RYR2: variants seen among roughly 807,000 people sequenced by gnomAD.
RYR2 encodes the protein cardiac muscle ryanodine receptor-calcium release channel.
In RYR2, 227 loss-of-function variants were observed where a neutral mutation model predicts 601.1. The ratio of observed to expected loss-of-function variants is 0.38; its 90% CI spans 0.34 to 0.42. The LOEUF is 0.42. Among genes scored for constraint, RYR2 ranks in the 10% least tolerant of loss-of-function variants. RYR2 has a pLI of 1.00. For synonymous variants in RYR2, 2,223 were observed against 2,175.1 expected (o/e 1.02, Z -0.61); for missense variants, 4,646 against 6,156.5 (o/e 0.75, Z 8.21).
At chr1:237,331,864 A>T (rs558710676) in intron 3 of RYR2, among the ~76,000 whole-genome samples, 2 of 152,004 alleles carry the variant, frequency 1.3e-5, no homozygotes, top group African/African-American at 4.8e-5. Flanking sequence ...TTCAAAGCCT[A>T]TTTGGTTATT....
Position 237,732,092 on chromosome 1 carries a change from T to C in RYR2, c.10982T>C (p.Val3661Ala), listed in dbSNP as rs1163500187. The change falls in exon 78 of 105, where the codon GTT (valine) becomes GCT (alanine). Residue 3661 changes from valine (V) to alanine (A), a missense_variant. This residue lies in a region of RYR2 where 1,497 missense variants were observed against 1,842.6 expected (regional missense o/e 0.81). Transcript: ENST00000366574. The stretch of plus-strand genomic sequence containing the variant: ...GAAGAAGATGAAGGCACTAAGAGAG[T>C]TGATCCTCTACATCAGCTGATCCTT... ...PPEEDEGTKR[V>A]DPLHQLILLF... is the part of the protein sequence containing the mutation. The C allele has an allele frequency of 3.1e-6, 5 of 1,611,674 alleles. No homozygotes were observed. Among genetic ancestry groups the C allele is most frequent in the Non-Finnish European group, 4.2e-6 (5 of 1,178,560 alleles).
rs765283048 is a variant in RYR2, at chr1:237,614,501, C to A, written c.5373C>A (p.Thr1791=). 1.2e-4 allele frequency: 196 copies of A among 1,613,900 alleles called. No homozygotes were observed. Among genetic ancestry groups the A allele is most frequent in the Non-Finnish European group, 1.5e-4 (180 of 1,179,906 alleles). Residue 1791 remains threonine (T), a synonymous_variant, in exon 37 of 105, where the codon ACC becomes ACA. Transcript: ENST00000366574. This position sits in a 1 kb window ranked among gnomAD's most constrained non-coding sequence, Gnocchi z 4.3. The part of the protein sequence containing the change: ...EFPLDILKSK[T]IQMLTEAVKE... ...CACTGGACATCCTCAAGTCCAAAAC[C>A]ATACAGATGCTGACAGAAGCTGTTA...
chr1:237,220,307 C>A (rs924242348), intron 1 of RYR2, among the ~76,000 whole-genome samples: 1 of 152,214 alleles, frequency 6.6e-6, no homozygotes, highest in Non-Finnish European at 1.5e-5. Context: ...TCTCCTCCGG[C>A]CTTTGGACAT....
chr1:237,766,152 T>A (rs1693831489), intron 84 of RYR2, among the ~76,000 whole-genome samples: 2 of 152,114 alleles, frequency 1.3e-5, no homozygotes, highest in African/African-American at 2.4e-5. Context: ...GGAAACATAG[T>A]ACCTGGGAGG....
intron 1 of RYR2, among the ~76,000 whole-genome samples, chr1:237,219,509 A>G (rs1683567075): frequency 6.6e-6 from 1 of 152,168 alleles, no homozygotes; most frequent in South Asian, 2.1e-4. Context: ...CTTATTAACC[A>G]GAGTTTGGTC....
At chr1:237,613,834 A>G (rs1184190634) in intron 36 of RYR2, among the ~76,000 whole-genome samples, 1 of 152,180 alleles carries the variant, frequency 6.6e-6, no homozygotes, top group African/African-American at 2.4e-5. Flanking sequence ...GGTAAGTATA[A>G]TGCAAACATT....
intron 35 of RYR2, among the ~76,000 whole-genome samples, chr1:237,607,941 G>A (rs1440154497): frequency 6.6e-6 from 1 of 152,128 alleles, no homozygotes; most frequent in East Asian, 1.9e-4. Flanking sequence ...CTTGAGCAGT[G>A]CTTTATACAT....
intron 40 of RYR2, among the ~76,000 whole-genome samples, chr1:237,626,631 A>C (rs1173528486): frequency 2.6e-5 from 3 of 115,004 alleles, no homozygotes; most frequent in African/African-American, 1.1e-4. Context: ...TCGCTCCATC[A>C]CCCAGGCTGG....
At chr1:237,459,320 C>T (rs1429136758) in intron 16 of RYR2, among the ~76,000 whole-genome samples, 2 of 152,112 alleles carry the variant, frequency 1.3e-5, no homozygotes, top group Non-Finnish European at 2.9e-5. Context: ...TGCATTGGCT[C>T]ATGTGTGTAG....
rs765521468 is a variant in RYR2 at position 237,760,190 on chromosome 1, TA to T, written c.11402+353del. On this transcript the variant is annotated intron_variant, in intron 83 of 104. Transcript: ENST00000366574. ...CAAGACTCCATCTCTACAAAAAGAT[TA>T]AAAAAAAAAAAAAAGCTAGGCATGG... 7.7e-3 allele frequency among the ~76,000 whole-genome samples: 956 copies of T among 124,492 alleles called. 7 individuals carry two copies. The highest frequency in any genetic ancestry group is 0.046 in the East Asian group (202 of 4,398). The allele number at this position is 124,492 out of a possible 152,430, so 81.7% of individuals were successfully genotyped here. A position where few individuals can be genotyped will look rare whatever the true frequency, so the allele number is the denominator to read the frequency against.
Position 237,608,867 on chromosome 1 carries a change from T to C in RYR2, c.4684-1895T>C, listed in dbSNP as rs543751356. 5.3e-5 allele frequency among the ~76,000 whole-genome samples: 8 copies of C among 150,206 alleles called. No homozygotes were observed. The South Asian group carries it at 1.3e-3, about 24-fold the overall frequency. On this transcript the variant is annotated intron_variant, in intron 35 of 104. Transcript: ENST00000366574. ...TAGTTTCTCAGAAGCCTGACTGATA[T>C]ATTCAGTCATCTATTGACTATTGAC...
chr1:237,799,678 G>C (rs1010455735), intron 97 of RYR2, among the ~76,000 whole-genome samples: 4 of 152,130 alleles, frequency 2.6e-5, no homozygotes, highest in African/African-American at 9.7e-5. Context: ...AGGAAGGTCA[G>C]GTTTTAAAAG....
chr1:237,284,048 T>C (rs555051723), intron 2 of RYR2, among the ~76,000 whole-genome samples: 1 of 152,314 alleles, frequency 6.6e-6, no homozygotes, highest in African/African-American at 2.4e-5. Flanking sequence ...GGACATACGA[T>C]GTTTGGTTTT....
At chr1:237,305,325 A>G (rs1693764231) in intron 2 of RYR2, among the ~76,000 whole-genome samples, 1 of 152,214 alleles carries the variant, frequency 6.6e-6, no homozygotes, top group Non-Finnish European at 1.5e-5. Flanking sequence ...CCACATCCAC[A>G]TGGATTAATC....
chr1:237,664,374 C>T (rs931264837), intron 56 of RYR2, among the ~76,000 whole-genome samples: 2 of 152,136 alleles, frequency 1.3e-5, no homozygotes, highest in Non-Finnish European at 2.9e-5. Flanking sequence ...AAGGAGCTTA[C>T]ATTCTAATGG....
chr1:237,714,272 A>T (rs527554563), intron 71 of RYR2, among the ~76,000 whole-genome samples: 10 of 152,346 alleles, frequency 6.6e-5, no homozygotes, highest in Non-Finnish European at 1.5e-4. Flanking sequence ...ATAGATATGA[A>T]TTGTAGTAAC....
rs370996795 is a variant in RYR2 at position 237,819,086 on chromosome 1, G to T, written c.14484G>T (p.Gly4828=). Residue 4828 remains glycine, a synonymous_variant, in exon 101 of 105, where the codon GGG becomes GGT. Transcript: ENST00000366574. The surrounding 1 kb of genome is among the most constrained non-coding windows in gnomAD (Gnocchi z 4.0). ...GAGTTCGTGCTGGAGGAGGGATCGG[G>T]GATGAAATCGAAGACCCAGCAGGAG... ...YVGVRAGGGI[G]DEIEDPAGDE... 1.1e-4 allele frequency: 184 copies of T among 1,613,860 alleles called. 1 individual carries two copies. In the African/African-American group the frequency reaches 2.1e-3, roughly 18 times the overall value.
chr1:237,489,715 A>G (rs1663110529), intron 17 of RYR2, among the ~76,000 whole-genome samples: 1 of 152,198 alleles, frequency 6.6e-6, no homozygotes. Context: ...GCCACTGTGG[A>G]AAGCAGTTTG....
intron 4 of RYR2, among the ~76,000 whole-genome samples, chr1:237,361,976 A>G (rs1699818275): frequency 6.6e-6 from 1 of 152,148 alleles, no homozygotes; most frequent in African/African-American, 2.4e-5. Flanking sequence ...ATGCTTACAG[A>G]CGAAAGATGA....
Sources: gnomAD v4.1 joint callset for allele counts (sites outside exome capture counted in the v4.1 genomes callset) on GRCh38, gnomAD v4.1.1 for gene constraint, gnomAD v4.1.1 regional missense constraint, Gnocchi (gnomAD v3.1) non-coding constraint, MANE v1.5 for transcripts, NCBI Gene and HGNC (gene_info 2026-07-23, HGNC 2026-07-21) for gene names.